Variants in CNTNAP5 observed in about 807,000 individuals in gnomAD.
The protein encoded by CNTNAP5 is contactin associated protein family member 5, also known as contactin-associated protein-like 5.
CNTNAP5 carries 72 observed loss-of-function variants against 150.2 expected under a neutral mutation model. The observed-to-expected ratio is 0.48, with a 90% CI of 0.40 to 0.58. CNTNAP5 has a LOEUF of 0.58. CNTNAP5 is among the 20% of genes least tolerant of loss of function. The probability of loss-of-function intolerance (pLI) is 0.00; values close to 1 mark genes in which losing one functional copy is unlikely to be tolerated. For missense variants in CNTNAP5, 1,636 were observed against 1,626.2 expected, an observed-to-expected ratio of 1.01 and a Z score of -0.10; for synonymous variants, 672 against 619.8, an observed-to-expected ratio of 1.08 and a Z score of -1.25.
chr2:124,397,282 C>T (rs1368895495), intron 3 of CNTNAP5, among the ~76,000 whole-genome samples: 2 of 152,040 alleles, frequency 1.3e-5, no homozygotes, highest in Non-Finnish European at 2.9e-5. Context: ...AATTTATTTC[C>T]CACAGTTCTG....
At chr2:124,765,175 T>G (rs1681043504) in intron 16 of CNTNAP5, among the ~76,000 whole-genome samples, 1 of 152,158 alleles carries the variant, frequency 6.6e-6, no homozygotes, top group Admixed American at 6.6e-5. Context: ...CTGGTACTGT[T>G]AATGTTTTTA....
At chr2:124,551,215 C>G (rs985943138) in intron 10 of CNTNAP5, among the ~76,000 whole-genome samples, 2 of 152,086 alleles carry the variant, frequency 1.3e-5, no homozygotes, top group Admixed American at 1.3e-4. Flanking sequence ...TGTCCATTAT[C>G]TGGGGATCAT....
chr2:124,577,818 A>T (rs1173882094), intron 11 of CNTNAP5, among the ~76,000 whole-genome samples: 1 of 152,152 alleles, frequency 6.6e-6, no homozygotes, highest in East Asian at 1.9e-4. Flanking sequence ...AATATGACAG[A>T]GGGTCAAGAA....
chr2:124,408,650 T>C (rs911740848), intron 3 of CNTNAP5, among the ~76,000 whole-genome samples: 5 of 151,346 alleles, frequency 3.3e-5, no homozygotes, highest in Non-Finnish European at 5.9e-5. Flanking sequence ...AGGCAGGGTA[T>C]TCCAACAGAC....
At chr2:124,510,236 T>A in intron 8 of CNTNAP5, among the ~76,000 whole-genome samples, 1 of 144,944 alleles carries the variant, frequency 6.9e-6, no homozygotes, top group East Asian at 2.0e-4. Flanking sequence ...AAATTATATA[T>A]CTATATATCT....
chr2:124,041,672 T>C (rs534081551), intron 1 of CNTNAP5, among the ~76,000 whole-genome samples: 1 of 152,286 alleles, frequency 6.6e-6, no homozygotes, highest in African/African-American at 2.4e-5. Flanking sequence ...TGGGGGTTTC[T>C]ATTGGCATAT....
chr2:124,598,691 T>G (rs1368286247), intron 11 of CNTNAP5, among the ~76,000 whole-genome samples: 1 of 151,884 alleles, frequency 6.6e-6, no homozygotes, highest in East Asian at 2.0e-4. Flanking sequence ...GCTTCCCGGC[T>G]GCTTTGTTTA....
intron 13 of CNTNAP5, among the ~76,000 whole-genome samples, chr2:124,650,624 G>A (rs977706920): frequency 1.3e-5 from 2 of 152,198 alleles, no homozygotes; most frequent in Admixed American, 6.5e-5. Context: ...GAAGAAGTTT[G>A]TGCAAGTTTT....
intron 1 of CNTNAP5, among the ~76,000 whole-genome samples, chr2:124,034,512 G>A (rs749595184): frequency 1.3e-5 from 2 of 152,168 alleles, no homozygotes; most frequent in East Asian, 1.9e-4. Flanking sequence ...AAATATCACC[G>A]TTCTGGATCC....
intron 3 of CNTNAP5, among the ~76,000 whole-genome samples, chr2:124,265,197 A>C (rs567446759): frequency 6.6e-6 from 1 of 152,208 alleles, no homozygotes. Context: ...AAGGATGTGA[A>C]TAAAGCTCCC....
At chr2:124,700,920 C>A (rs2105089707) in intron 13 of CNTNAP5, among the ~76,000 whole-genome samples, 1 of 152,102 alleles carries the variant, frequency 6.6e-6, no homozygotes, top group Non-Finnish European at 1.5e-5. Context: ...ACATTTGCAC[C>A]AACCTAATAG....
intron 1 of CNTNAP5, among the ~76,000 whole-genome samples, chr2:124,034,560 T>G (rs1008573979): frequency 4.6e-5 from 7 of 152,232 alleles, no homozygotes; most frequent in African/African-American, 1.7e-4. Flanking sequence ...GCATAATCAC[T>G]GCTTCTAGGC....
chr2:124,406,092 A>G (rs542383259), intron 3 of CNTNAP5, among the ~76,000 whole-genome samples: 27 of 152,326 alleles, frequency 1.8e-4, no homozygotes, highest in Middle Eastern at 3.4e-3. Context: ...TCTTTGACCT[A>G]CGGGTTACAT....
At chr2:124,706,604 G>C (rs115377602) in intron 13 of CNTNAP5, among the ~76,000 whole-genome samples, 2,394 of 151,684 alleles carry the variant, frequency 0.016, 72 homozygotes, top group African/African-American at 0.055. Flanking sequence ...AAAATTAGCG[G>C]CTCATGGTGG....
chr2:124,340,082 A>G (rs1412584356), intron 3 of CNTNAP5, among the ~76,000 whole-genome samples: 1 of 152,224 alleles, frequency 6.6e-6, no homozygotes, highest in African/African-American at 2.4e-5. Flanking sequence ...ATTTCAGCAG[A>G]GTTCTGTCCT....
At chr2:124,825,697 T>C (rs1682578731) in intron 19 of CNTNAP5, among the ~76,000 whole-genome samples, 1 of 152,064 alleles carries the variant, frequency 6.6e-6, no homozygotes, top group South Asian at 2.1e-4. Flanking sequence ...TGATCAAAAG[T>C]CTCTTTTTAT....
At chr2:124,358,514 G>A (rs1690091659) in intron 3 of CNTNAP5, among the ~76,000 whole-genome samples, 1 of 152,126 alleles carries the variant, frequency 6.6e-6, no homozygotes, top group South Asian at 2.1e-4. Context: ...TTAGCATGAA[G>A]GGTTGTTGAA....
chr2:124,739,678 A>G (rs1375166156), intron 13 of CNTNAP5, among the ~76,000 whole-genome samples: 2 of 152,022 alleles, frequency 1.3e-5, no homozygotes, highest in African/African-American at 4.8e-5. Context: ...TGAAAATCAG[A>G]TCTCCTTTTC....
At chr2:124,789,858 C>T in intron 17 of CNTNAP5, 44 bp from the exon 18 acceptor site, 1 of 1,579,168 alleles carries the variant, frequency 6.3e-7, no homozygotes, top group Non-Finnish European at 8.7e-7. Flanking sequence ...ATGTATTGAG[C>T]CCTATAATAC....
Sources: gnomAD v4.1 joint callset for allele counts (sites outside exome capture counted in the v4.1 genomes callset) on GRCh38, gnomAD v4.1.1 for gene constraint, MANE v1.5 for transcripts, NCBI Gene and HGNC (gene_info 2026-07-23, HGNC 2026-07-21) for gene names.